The following PDX1 variants were observed in gnomAD, a reference collection of about 807,000 sequenced individuals.
PDX1 encodes the protein pancreatic and duodenal homeobox 1, also known as pancreas/duodenum homeobox protein 1.
Under a neutral mutation model 11.1 loss-of-function variants are expected in PDX1, and 7 were observed. The observed-to-expected ratio is 0.63, with a 90% CI of 0.36 to 1.19. The LOEUF is 1.19. Among genes scored for constraint, PDX1 ranks in the 50% most tolerant of loss-of-function variants. PDX1 has a pLI of 0.02. For synonymous variants in PDX1, 232 were observed against 196.2 expected, an observed-to-expected ratio of 1.18 and a Z score of -1.53; for missense variants, 449 against 412.1, an observed-to-expected ratio of 1.09 and a Z score of -0.78.
At chr13:27,922,855 T>C (rs948792602) in intron 1 of PDX1, among the ~76,000 whole-genome samples, 2 of 152,240 alleles carry the variant, frequency 1.3e-5, no homozygotes, top group African/African-American at 4.8e-5. Flanking sequence ...AAAATGTTTA[T>C]TGAAGGCCCG....
At position 27,924,099 on chromosome 13, in the gene PDX1, A is replaced by C. The variant is rs983241671; in HGVS notation, c.407-157A>C. Among the ~76,000 whole-genome samples the C allele has an allele frequency of 6.6e-6, 1 of 152,196 alleles. No homozygotes were observed. Among genetic ancestry groups the C allele is most frequent in the Non-Finnish European group, 1.5e-5 (1 of 68,036 alleles). On this transcript the variant is annotated intron_variant, in intron 1 of 1. Coordinates refer to ENST00000381033, the MANE Select transcript of PDX1 (RefSeq NM_000209.4). This position sits in a 1 kb window ranked among gnomAD's most constrained non-coding sequence, Gnocchi z 4.8. ...TACTAGGGAAGAGCTTCGCGCGCCT[A>C]CACTAGGCGCTGAAATGGGATGCTG...
At chr13:27,922,844 C>CA (rs1194821321) in intron 1 of PDX1, among the ~76,000 whole-genome samples, 1 of 152,330 alleles carries the variant, frequency 6.6e-6, no homozygotes, top group East Asian at 1.9e-4. Context: ...GAGAGCCTTT[C>CA]AAAATGTTTA....
In PDX1 at chr13:27,924,559, C is replaced by A. The variant is rs1487109323; in HGVS notation, c.710C>A (p.Ala237Glu). ...CAVTSGEELL[A>E]LPPPPPPGGA... ...GTGACCTCCGGCGAGGAGCTTCTGG[C>A]GCTGCCGCCGCCGCCGCCCCCCGGA... is the stretch of plus-strand genomic sequence containing the variant. The change falls in exon 2 of 2, where the codon GCG (alanine) becomes GAG (glutamate). Residue 237 changes from alanine to glutamate, a missense_variant. By Grantham distance (107) the Ala-to-Glu change is moderately radical (BLOSUM62 -1). This residue lies in a region of PDX1 where 139 missense variants were observed against 121.4 expected (regional missense o/e 1.14). Transcript: ENST00000381033. The surrounding 1 kb of genome is among the most constrained non-coding windows in gnomAD (Gnocchi z 4.8). The A allele has an allele frequency of 3.3e-6, 5 of 1,538,298 alleles. No homozygotes were observed. The highest frequency in any genetic ancestry group is 3.5e-6 in the Non-Finnish European group (4 of 1,147,654).
At chr13:27,920,971 C>G (rs1957782225) in intron 1 of PDX1, among the ~76,000 whole-genome samples, 2 of 152,192 alleles carry the variant, frequency 1.3e-5, no homozygotes, top group Admixed American at 6.5e-5. Context: ...GGCCCCAGAT[C>G]GCCTTCGGAG....
At chr13:27,921,375 A>G (rs1236039614) in intron 1 of PDX1, among the ~76,000 whole-genome samples, 1 of 152,198 alleles carries the variant, frequency 6.6e-6, no homozygotes, top group African/African-American at 2.4e-5. Context: ...CCGGCAGAGA[A>G]CAGAAGGTCT....
In PDX1 at chr13:27,920,131, C is replaced by T. The variant is rs1199576056; in HGVS notation, c.-8C>T. On this transcript the variant is annotated 5_prime_UTR_variant, in exon 1 of 2. Transcript: ENST00000381033. ...CCGGCTCCCGGTGCCCAATCCCGGGCCGCAGCCATGAACGGCGAGGAGCAG... is the reference window on the plus strand; with the variant it reads ...CCGGCTCCCGGTGCCCAATCCCGGGTCGCAGCCATGAACGGCGAGGAGCAG... 1 of 1,549,526 alleles carries T rather than the reference C, an allele frequency of 6.5e-7. No homozygotes were observed. Among genetic ancestry groups the T allele is most frequent in the East Asian group, 2.4e-5 (1 of 40,898 alleles).
In PDX1 at chr13:27,924,805, T is replaced by G. The variant is rs1387407207; in HGVS notation, c.*104T>G. ...TGGACCACCCGCCCTGGCAGTTGAATGGGGCGGCAATTGCGGGGCCCACCT... is the reference window on the plus strand; with the variant it reads ...TGGACCACCCGCCCTGGCAGTTGAAGGGGGCGGCAATTGCGGGGCCCACCT... On this transcript the variant is annotated 3_prime_UTR_variant, in exon 2 of 2. Transcript: ENST00000381033. The surrounding 1 kb of genome is among the most constrained non-coding windows in gnomAD (Gnocchi z 4.8). 1.0e-6 allele frequency: 1 copy of G among 952,552 alleles called. No individual in the cohort carries two copies. Among genetic ancestry groups the G allele is most frequent in the African/African-American group, 1.7e-5 (1 of 58,108 alleles). The allele number at this position is 952,552 out of a possible 1,614,324, so 59.0% of individuals were successfully genotyped here. A position where few individuals can be genotyped will look rare whatever the true frequency, so the allele number is the denominator to read the frequency against.
intron 1 of PDX1, among the ~76,000 whole-genome samples, chr13:27,923,403 G>GT (rs1957801622): frequency 6.6e-6 from 1 of 152,244 alleles, no homozygotes; most frequent in Admixed American, 6.5e-5. Context: ...GATCCAGGGC[G>GT]TAGAGTCTGG....
At chr13:27,921,660 CACTG>C (rs1186076683) in intron 1 of PDX1, among the ~76,000 whole-genome samples, 3 of 152,232 alleles carry the variant, frequency 2.0e-5, no homozygotes, top group African/African-American at 7.2e-5. Context: ...CCCTGCCTGA[CACTG>C]ACCCCAGGCG....
At position 27,920,410 on chromosome 13, in the gene PDX1, C is replaced by CG. The variant is rs753499583; in HGVS notation, c.273dup (p.Leu92AlafsTer133). ...CACCACCACCTCCCGGCTCAGCTCGCGCTCCCCCACCCGCCCGCCGGGCCC... is the reference window on the plus strand; with the variant it reads ...CACCACCACCTCCCGGCTCAGCTCGCGGCTCCCCCACCCGCCCGCCGGGCCC... On this transcript the variant is annotated frameshift_variant, in exon 1 of 2. Coordinates refer to ENST00000381033, the MANE Select transcript of PDX1 (RefSeq NM_000209.4). LOFTEE classifies it high-confidence loss of function. 5 of 1,558,296 alleles carry CG rather than the reference C, an allele frequency of 3.2e-6. No homozygotes were observed. The South Asian group carries it at 5.9e-5, about 18-fold the overall frequency.
In PDX1 at chr13:27,924,605, CCCCGTTGCCGCCCGAGAGGGCCG is replaced by C; in HGVS notation, c.759_781del (p.Val254AlafsTer5). ...CCGGAGGTGCTGTGCCGCCCGCTGC[CCCCGTTGCCGCCCGAGAGGGCCG>C]CCTGCCGCCTGGCCTTAGCGCGTCG... On this transcript the variant is annotated frameshift_variant, in exon 2 of 2. Transcript: ENST00000381033. LOFTEE classifies it low-confidence loss of function (END_TRUNC). This position sits in a 1 kb window ranked among gnomAD's most constrained non-coding sequence, Gnocchi z 4.8. 1 of 1,466,016 alleles carries C rather than the reference CCCCGTTGCCGCCCGAGAGGGCCG, an allele frequency of 6.8e-7. No individual in the cohort carries two copies. Among genetic ancestry groups the C allele is most frequent in the Admixed American group, 2.5e-5 (1 of 39,852 alleles). 90.8% of individuals were successfully genotyped at this position (1,466,016 alleles called of 1,614,324 possible). A position where few individuals can be genotyped will look rare whatever the true frequency, so the allele number is the denominator to read the frequency against.
Position 27,925,125 on chromosome 13 carries a change from C to A in PDX1, c.*424C>A. 1 of 227,168 alleles carries A rather than the reference C, an allele frequency of 4.4e-6. No individual in the cohort carries two copies. The highest frequency in any genetic ancestry group is 8.6e-6 in the Non-Finnish European group (1 of 116,166). The allele number at this position is 227,168 out of a possible 1,614,324, so 14.1% of individuals were successfully genotyped here. ...ACAGCGGGGAAGCTGGGCCGAGTAC[C>A]TTAATCTGCCATAAAGCCATTCTTA... is the stretch of plus-strand genomic sequence containing the variant. On this transcript the variant is annotated 3_prime_UTR_variant, in exon 2 of 2. Coordinates refer to ENST00000381033, the MANE Select transcript of PDX1 (RefSeq NM_000209.4).
At position 27,924,499 on chromosome 13, in the gene PDX1, G is replaced by A; in HGVS notation, c.650G>A (p.Gly217Asp). The change falls in exon 2 of 2, where the codon GGT (glycine) becomes GAT (aspartate). Residue 217 changes from glycine (G) to aspartate (D), a missense_variant. Physicochemically the swap from Gly to Asp is moderately conservative, Grantham distance 94. Coordinates refer to ENST00000381033, the MANE Select transcript of PDX1 (RefSeq NM_000209.4). This position sits in a 1 kb window ranked among gnomAD's most constrained non-coding sequence, Gnocchi z 4.8. ...KKRGGGTAVG[G>D]GGVAEPEQDC... is the part of the protein sequence containing the mutation. ...CGCGGCGGCGGGACAGCTGTCGGGGGTGGCGGGGTCGCGGAGCCTGAGCAG... is the reference window on the plus strand; with the variant it reads ...CGCGGCGGCGGGACAGCTGTCGGGGATGGCGGGGTCGCGGAGCCTGAGCAG... The A allele has an allele frequency of 3.1e-6, 5 of 1,612,010 alleles. No individual in the cohort carries two copies. The highest frequency in any genetic ancestry group is 3.4e-6 in the Non-Finnish European group (4 of 1,179,650).
chr13:27,924,744 C>A lies in PDX1; in HGVS notation c.*43C>A. The A allele has an allele frequency of 7.1e-7, 1 of 1,398,968 alleles. No homozygotes were observed. The highest frequency in any genetic ancestry group is 1.6e-5 in the South Asian group (1 of 64,378). The allele number at this position is 1,398,968 out of a possible 1,614,324, so 86.7% of individuals were successfully genotyped here. A position where few individuals can be genotyped will look rare whatever the true frequency, so the allele number is the denominator to read the frequency against. On this transcript the variant is annotated 3_prime_UTR_variant, in exon 2 of 2. Transcript: ENST00000381033. The surrounding 1 kb of genome is among the most constrained non-coding windows in gnomAD (Gnocchi z 4.8). ...TGGCTGAGGGGCTTCAACCACTCGC[C>A]GAGGAGGAGCAGAGGGCCTAGGAGG...
Position 27,924,571 on chromosome 13 carries a change from C to A in PDX1, c.722C>A (p.Pro241Gln). Residue 241 changes from proline to glutamine, a missense_variant, in exon 2 of 2, where the codon CCG (proline) becomes CAG (glutamine). Pro to Gln is a moderately conservative substitution (Grantham distance 76). Transcript: ENST00000381033. The surrounding 1 kb of genome is among the most constrained non-coding windows in gnomAD (Gnocchi z 4.8). ...SGEELLALPP[P>Q]PPPGGAVPPA... is the part of the protein sequence containing the mutation. ...GAGGAGCTTCTGGCGCTGCCGCCGC[C>A]GCCGCCCCCCGGAGGTGCTGTGCCG... 1.3e-6 allele frequency: 2 copies of A among 1,507,302 alleles called. No individual in the cohort carries two copies. The highest frequency in any genetic ancestry group is 1.8e-6 in the Non-Finnish European group (2 of 1,132,954). The allele number at this position is 1,507,302 out of a possible 1,614,324, so 93.4% of individuals were successfully genotyped here.
chr13:27,925,078 A>G lies in PDX1; in HGVS notation c.*377A>G, dbSNP rs1957815313. ...AGACAATGGAAACTGTACCATACAC[A>G]TTGGAAGGCTCCCTAACACACACAG... On this transcript the variant is annotated 3_prime_UTR_variant, in exon 2 of 2. Coordinates refer to ENST00000381033, the MANE Select transcript of PDX1 (RefSeq NM_000209.4). 1 of 252,934 alleles carries G rather than the reference A, an allele frequency of 4.0e-6. No individual in the cohort carries two copies. The highest frequency in any genetic ancestry group is 7.5e-6 in the Non-Finnish European group (1 of 133,712). The allele number at this position is 252,934 out of a possible 1,614,324, so 15.7% of individuals were successfully genotyped here. A position where few individuals can be genotyped will look rare whatever the true frequency, so the allele number is the denominator to read the frequency against.
chr13:27,923,098 G>A (rs1377088450), intron 1 of PDX1, among the ~76,000 whole-genome samples: 1 of 152,176 alleles, frequency 6.6e-6, no homozygotes, highest in Non-Finnish European at 1.5e-5. Flanking sequence ...AATGTCCCCT[G>A]CCTTTGCTCT....
In PDX1 at chr13:27,926,113, A is replaced by G. The variant is rs1957824284; in HGVS notation, c.*1412A>G. The stretch of plus-strand genomic sequence containing the variant: ...TTTAAAAATTACCTAACAGTTATTT[A>G]CAAACAGGTCTGTGCATCCCAGGTC... On this transcript the variant is annotated 3_prime_UTR_variant, in exon 2 of 2. Transcript: ENST00000381033. 6.6e-6 allele frequency: 1 copy of G among 152,256 alleles called. No individual in the cohort carries two copies. The highest frequency in any genetic ancestry group is 2.1e-4 in the South Asian group (1 of 4,830). 9.4% of individuals were successfully genotyped at this position (152,256 alleles called of 1,614,324 possible).
At chr13:27,920,577 C>T (rs200827032) in intron 1 of PDX1, 33 bp downstream of exon 1, 26 of 1,609,802 alleles carry the variant, frequency 1.6e-5, no homozygotes, top group African/African-American at 1.1e-4. Context: ...TTCTCCTTTC[C>T]GGTTCTCACC....
Sources: gnomAD v4.1 joint callset for allele counts (sites outside exome capture counted in the v4.1 genomes callset) on GRCh38, gnomAD v4.1.1 for gene constraint, gnomAD v4.1.1 regional missense constraint, Gnocchi (gnomAD v3.1) non-coding constraint, MANE v1.5 for transcripts, NCBI Gene and HGNC (gene_info 2026-07-23, HGNC 2026-07-21) for gene names.